C1orf185: variants seen among roughly 807,000 people sequenced by gnomAD.
C1orf185 encodes the protein chromosome 1 open reading frame 185, also known as uncharacterized protein C1orf185.
In C1orf185, 13 loss-of-function variants were observed where a neutral mutation model predicts 16.1. The observed-to-expected ratio is 0.81, with a 90% CI of 0.53 to 1.28. The LOEUF (loss-of-function observed/expected upper bound fraction) is 1.28, where lower values mean the gene tolerates loss of function less well. C1orf185 is among the 50% of genes most tolerant of loss of function. C1orf185 has a pLI of 0.00. For synonymous variants in C1orf185, 80 were observed against 76.9 expected, an observed-to-expected ratio of 1.04 and a Z score of -0.21; for missense variants, 220 against 225.2, an observed-to-expected ratio of 0.98 and a Z score of 0.15.
chr1:51,124,489 T>G (rs996157688), intron 3 of C1orf185, among the ~76,000 whole-genome samples: 3 of 152,240 alleles, frequency 2.0e-5, no homozygotes, highest in Admixed American at 6.5e-5. Context: ...GCTGGTGGTG[T>G]TGGACAGCAA....
rs182149955 is a variant in C1orf185, at chr1:51,139,228, G to A, written c.259-6496G>A. Among the ~76,000 whole-genome samples, 57 of 151,354 alleles carry A rather than the reference G, an allele frequency of 3.8e-4. No homozygotes were observed. In the East Asian group the frequency reaches 4.3e-3, roughly 11 times the overall value. On this transcript the variant is annotated intron_variant, in intron 3 of 4. Coordinates refer to ENST00000371759, the MANE Select transcript of C1orf185 (RefSeq NM_001136508.2). Reference sequence around the variant, plus strand: ...AGCAATACTCCCACCTCAGCCTCCCGAATAGCTGGGATTACAGGTGCTCGC... The same window carrying A: ...AGCAATACTCCCACCTCAGCCTCCCAAATAGCTGGGATTACAGGTGCTCGC...
intron 1 of C1orf185, among the ~76,000 whole-genome samples, chr1:51,105,304 A>G (rs1646061305): frequency 6.6e-6 from 1 of 152,044 alleles, no homozygotes; most frequent in African/African-American, 2.4e-5. Context: ...TTGACTAGTA[A>G]TTGGCAATAG....
rs183338668 is a variant in C1orf185 at position 51,141,554 on chromosome 1, T to G, written c.259-4170T>G. Among the ~76,000 whole-genome samples, 4 of 152,244 alleles carry G rather than the reference T, an allele frequency of 2.6e-5. No homozygotes were observed. The East Asian group carries it at 7.7e-4, about 29-fold the overall frequency. On this transcript the variant is annotated intron_variant, in intron 3 of 4. Coordinates refer to ENST00000371759, the MANE Select transcript of C1orf185 (RefSeq NM_001136508.2). ...CTGAGGTACTCCAAACTTTAGAGGT[T>G]TAGCACTAGTCAGTGTGGTAGAAAG...
chr1:51,150,159 G>T (rs539493831), downstream of C1orf185, among the ~76,000 whole-genome samples: 1 of 150,262 alleles, frequency 6.7e-6, no homozygotes, highest in East Asian at 2.0e-4. Flanking sequence ...TAAAGTAATT[G>T]TTATCCCATA....
chr1:51,119,142 A>G (rs1267123045), intron 3 of C1orf185, among the ~76,000 whole-genome samples: 1 of 152,218 alleles, frequency 6.6e-6, no homozygotes, highest in East Asian at 1.9e-4. Context: ...CAGATAGCCT[A>G]ACCATAGCAA....
intron 3 of C1orf185, among the ~76,000 whole-genome samples, chr1:51,122,487 TAC>T (rs1646204825): frequency 6.6e-6 from 1 of 152,196 alleles, no homozygotes; most frequent in Non-Finnish European, 1.5e-5. Flanking sequence ...GAGCAGAAAG[TAC>T]AGAGTCCCAC....
chr1:51,127,410 C>T lies in C1orf185; in HGVS notation c.258+8609C>T, dbSNP rs564337323. ...TTCAAGCGATTCTCCTGCCTCAGCCCCGGAATAGCTGGGACTACAGACGCA... is the reference window on the plus strand; with the variant it reads ...TTCAAGCGATTCTCCTGCCTCAGCCTCGGAATAGCTGGGACTACAGACGCA... On this transcript the variant is annotated intron_variant, in intron 3 of 4. Coordinates refer to ENST00000371759, the MANE Select transcript of C1orf185 (RefSeq NM_001136508.2). Among the ~76,000 whole-genome samples, 5 of 151,692 alleles carry T rather than the reference C, an allele frequency of 3.3e-5. No individual in the cohort carries two copies. The East Asian group carries it at 9.7e-4, about 30-fold the overall frequency.
chr1:51,146,319 T>C (rs1443344142), intron 4 of C1orf185, among the ~76,000 whole-genome samples: 1 of 151,614 alleles, frequency 6.6e-6, no homozygotes, highest in Non-Finnish European at 1.5e-5. Context: ...ATTAGCTGGA[T>C]GTGGTGGCGC....
rs191204641 is a variant in C1orf185, at chr1:51,128,704, T to A, written c.258+9903T>A. On this transcript the variant is annotated intron_variant, in intron 3 of 4. Coordinates refer to ENST00000371759, the MANE Select transcript of C1orf185 (RefSeq NM_001136508.2). Reference sequence around the variant, plus strand: ...CAAGACTTTGTCTCCAAAAATTAAATTAAAATAAAATAAAATAAAATAGCT... The same window carrying A: ...CAAGACTTTGTCTCCAAAAATTAAAATAAAATAAAATAAAATAAAATAGCT... Among the ~76,000 whole-genome samples, 586 of 152,014 alleles carry A rather than the reference T, an allele frequency of 3.9e-3. 14 individuals are homozygous for A. Among genetic ancestry groups the A allele is most frequent in the Admixed American group, 0.024 (367 of 15,268 alleles).
chr1:51,138,981 C>A (rs1041143063), intron 3 of C1orf185, among the ~76,000 whole-genome samples: 1 of 152,098 alleles, frequency 6.6e-6, no homozygotes, highest in Non-Finnish European at 1.5e-5. Context: ...ATCCACTGTG[C>A]CCAGGCCATG....
chr1:51,103,450 A>ACACACAC (rs756442424), intron 1 of C1orf185, among the ~76,000 whole-genome samples: 1,294 of 51,804 alleles, frequency 0.025, 9 homozygotes, highest in East Asian at 0.079. Context: ...CACACACACA[A>ACACACAC]AAACCACGAA....
chr1:51,119,555 A>G (rs12093378), intron 3 of C1orf185, among the ~76,000 whole-genome samples: 16,712 of 152,298 alleles, frequency 0.11, 1,554 homozygotes, highest in African/African-American at 0.25. Flanking sequence ...ACTTTGGGAA[A>G]CCAAGGGCGG....
intron 3 of C1orf185, among the ~76,000 whole-genome samples, chr1:51,133,654 G>A (rs1646302052): frequency 6.6e-6 from 1 of 152,202 alleles, no homozygotes; most frequent in Non-Finnish European, 1.5e-5. Flanking sequence ...CAATGGGACA[G>A]AAAATTAACA....
chr1:51,147,959 C>T lies in C1orf185; in HGVS notation c.*188C>T. ...TGTTCTTTACCATAGAGCGGCTCTACTTCCCTTGCTGGTTCTTATTTCTAG... is the reference window on the plus strand; with the variant it reads ...TGTTCTTTACCATAGAGCGGCTCTATTTCCCTTGCTGGTTCTTATTTCTAG... On this transcript the variant is annotated 3_prime_UTR_variant, in exon 5 of 5. Coordinates refer to ENST00000371759, the MANE Select transcript of C1orf185 (RefSeq NM_001136508.2). The T allele has an allele frequency of 2.0e-6, 1 of 489,660 alleles. No homozygotes were observed. Among genetic ancestry groups the T allele is most frequent in the Non-Finnish European group, 3.5e-6 (1 of 287,682 alleles). 30.3% of individuals were successfully genotyped at this position (489,660 alleles called of 1,614,324 possible). A position where few individuals can be genotyped will look rare whatever the true frequency, so the allele number is the denominator to read the frequency against.
intron 2 of C1orf185, among the ~76,000 whole-genome samples, chr1:51,117,313 T>C (rs1646165028): frequency 6.6e-6 from 1 of 152,124 alleles, no homozygotes; most frequent in Non-Finnish European, 1.5e-5. Flanking sequence ...GCAATGAGCA[T>C]TATTATTATT....
chr1:51,112,821 T>C (rs1021430212), intron 2 of C1orf185, among the ~76,000 whole-genome samples: 3 of 151,308 alleles, frequency 2.0e-5, no homozygotes, highest in Non-Finnish European at 4.4e-5. Context: ...CTTTTCTTTT[T>C]TTTTTTTTCT....
intron 3 of C1orf185, among the ~76,000 whole-genome samples, chr1:51,132,566 T>G (rs547056017): frequency 8.5e-5 from 13 of 152,058 alleles, no homozygotes; most frequent in Admixed American, 4.6e-4. Flanking sequence ...AAAGAATGAA[T>G]AAAACTTCTG....
intron 3 of C1orf185, among the ~76,000 whole-genome samples, chr1:51,137,826 A>G (rs1646337421): frequency 6.6e-6 from 1 of 152,240 alleles, no homozygotes; most frequent in Non-Finnish European, 1.5e-5. Context: ...GGTAGACTGG[A>G]TAAAGAAGAT....
chr1:51,126,414 C>T (rs961076072), intron 3 of C1orf185, among the ~76,000 whole-genome samples: 1 of 151,938 alleles, frequency 6.6e-6, no homozygotes, highest in African/African-American at 2.4e-5. Flanking sequence ...CAGGTACACA[C>T]CACCATGTCC....
Sources: gnomAD v4.1 joint callset for allele counts (sites outside exome capture counted in the v4.1 genomes callset) on GRCh38, gnomAD v4.1.1 for gene constraint, MANE v1.5 for transcripts, NCBI Gene and HGNC (gene_info 2026-07-23, HGNC 2026-07-21) for gene names.